The following CFAP69 variants were observed in gnomAD, a reference collection of about 807,000 sequenced individuals.
CFAP69 encodes cilia- and flagella-associated protein 69.
A neutral mutation model predicts 123.0 loss-of-function variants in CFAP69; 92 were observed. The ratio of observed to expected loss-of-function variants is 0.75; its 90% CI spans 0.63 to 0.89. The LOEUF is 0.89. Among genes scored for constraint, CFAP69 ranks in the 40% least tolerant of loss-of-function variants. CFAP69 has a pLI of 0.00. For missense variants in CFAP69, 1,067 were observed against 1,096.9 expected (o/e 0.97, Z 0.39); for synonymous variants, 380 against 364.3 (o/e 1.04, Z -0.49).
Position 90,282,960 on chromosome 7 carries a change from C to G in CFAP69, c.1441C>G (p.Arg481Gly). ...GGRGNKFAQM[R>G]YSLRLLRAVV... ...CCGAGGCAACAAGTTTGCCCAGATG[C>G]GTTACAGTTTAAGACTCCTGAGAGC... The change falls in exon 13 of 23, where the codon CGT (arginine) becomes GGT (glycine). Residue 481 changes from arginine (R) to glycine (G), a missense_variant. Transcript: ENST00000389297. 1.3e-6 allele frequency: 2 copies of G among 1,599,776 alleles called. No individual in the cohort carries two copies. Among genetic ancestry groups the G allele is most frequent in the East Asian group, 2.3e-5 (1 of 43,878 alleles).
Position 90,309,274 on chromosome 7 carries a change from C to G in CFAP69, c.2562C>G (p.Ser854Arg), listed in dbSNP as rs7803620. 0.86 allele frequency: 1,292,577 copies of G among 1,506,276 alleles called. 556,152 individuals carry two copies. Among genetic ancestry groups the G allele is most frequent in the East Asian group, 1 (42,507 of 42,534 alleles). 93.3% of individuals were successfully genotyped at this position (1,506,276 alleles called of 1,614,324 possible). Reference sequence around the variant, plus strand: ...TTAAAAATCCTCAGAAAGCAAAAAGCCTTCAAGAAAAAGCTATAGAAGCCT... The same window carrying G: ...TTAAAAATCCTCAGAAAGCAAAAAGGCTTCAAGAAAAAGCTATAGAAGCCT... Reference protein sequence around the residue: ...SNAKTLKKAKSLQEKAIEASR... With the variant: ...SNAKTLKKAKRLQEKAIEASR... Residue 854 changes from serine to arginine, a missense_variant, in exon 22 of 23, where the codon AGC becomes AGG. Physicochemically the swap from Ser to Arg is moderately radical, Grantham distance 110 (BLOSUM62 -1). Coordinates refer to ENST00000389297, the MANE Select transcript of CFAP69 (RefSeq NM_001039706.3).
chr7:90,307,922 A>T (rs1793847849), intron 21 of CFAP69, 68 bp downstream of exon 21: 1 of 990,202 alleles, frequency 1.0e-6, no homozygotes, highest in African/African-American at 1.7e-5. Flanking sequence ...CTTTTTCAGG[A>T]ACAAATATTC....
At chr7:90,283,085 G>T in intron 13 of CFAP69, 29 bp downstream of exon 13, 1 of 1,433,222 alleles carries the variant, frequency 7.0e-7, no homozygotes, top group South Asian at 1.6e-5. Context: ...GTTTACTGAT[G>T]AAAGAGGAAT....
chr7:90,293,556 T>C (rs557674380), intron 15 of CFAP69, among the ~76,000 whole-genome samples: 1 of 152,318 alleles, frequency 6.6e-6, no homozygotes, highest in South Asian at 2.1e-4. Flanking sequence ...TATCTAATTG[T>C]AAAATACCCT....
Position 90,277,267 on chromosome 7 carries a change from A to G in CFAP69, c.1088A>G (p.Asp363Gly). The change falls in exon 11 of 23, where the codon GAT becomes GGT. Residue 363 changes from aspartate to glycine, a missense_variant. Transcript: ENST00000389297. ...KGLKLSNSYE[D>G]FELKKLLFNV... ...CTTAAGCTTTCTAATTCCTATGAAGATTTTGAGTTGAAGAAATTACTATTC... is the reference window on the plus strand; with the variant it reads ...CTTAAGCTTTCTAATTCCTATGAAGGTTTTGAGTTGAAGAAATTACTATTC... 1.9e-6 allele frequency: 3 copies of G among 1,595,782 alleles called. No homozygotes were observed. Among genetic ancestry groups the G allele is most frequent in the Non-Finnish European group, 2.6e-6 (3 of 1,172,484 alleles).
chr7:90,288,387 C>T (rs1467615798), intron 15 of CFAP69, 35 bp downstream of exon 15: 1 of 1,593,914 alleles, frequency 6.3e-7, no homozygotes, highest in African/African-American at 1.3e-5. Context: ...GGTAGACTCA[C>T]AGCAGTCATG....
chr7:90,303,748 C>T (rs1793150749), intron 17 of CFAP69: 2 of 1,102,502 alleles, frequency 1.8e-6, no homozygotes, highest in South Asian at 4.4e-5. Context: ...TAATATTTTA[C>T]ATAAACAATA....
downstream of CFAP69, among the ~76,000 whole-genome samples, chr7:90,315,437 A>T: frequency 6.6e-6 from 1 of 152,222 alleles, no homozygotes; most frequent in East Asian, 1.9e-4. Flanking sequence ...AAAGAATGAG[A>T]TCATGTCTTT....
intron 1 of CFAP69, chr7:90,252,020 A>G (rs1797072042): frequency 1.3e-5 from 2 of 149,950 alleles, no homozygotes; most frequent in African/African-American, 4.9e-5. Context: ...ATTAGCCTTA[A>G]AAAAAAAAAT....
chr7:90,251,020 A>G (rs1040658743), intron 1 of CFAP69, among the ~76,000 whole-genome samples: 3 of 152,020 alleles, frequency 2.0e-5, no homozygotes, highest in Non-Finnish European at 2.9e-5. Flanking sequence ...TCAAGGCCCA[A>G]AGTTACAATC....
At chr7:90,284,404 A>G (rs1485632569) in intron 13 of CFAP69, among the ~76,000 whole-genome samples, 2 of 152,140 alleles carry the variant, frequency 1.3e-5, no homozygotes, top group East Asian at 1.9e-4. Context: ...GTAACCAAAA[A>G]CCACCTATTC....
At chr7:90,248,881 G>A (rs543429754) in intron 1 of CFAP69, among the ~76,000 whole-genome samples, 6 of 152,088 alleles carry the variant, frequency 3.9e-5, no homozygotes, top group Non-Finnish European at 8.8e-5. Flanking sequence ...ATCTGTAAAA[G>A]ATATTTTTAG....
intron 15 of CFAP69, among the ~76,000 whole-genome samples, chr7:90,292,935 G>A (rs574447579): frequency 1.3e-5 from 2 of 152,210 alleles, no homozygotes; most frequent in East Asian, 1.9e-4. Context: ...GACTATAAAC[G>A]ACCTTTTGAA....
At chr7:90,275,178 T>C (rs528656576) in intron 9 of CFAP69, among the ~76,000 whole-genome samples, 11 of 152,370 alleles carry the variant, frequency 7.2e-5, no homozygotes, top group African/African-American at 2.4e-4. Flanking sequence ...TATTCCTTTT[T>C]ATAGTGTCTC....
chr7:90,304,676 TAGATAGA>T, intron 18 of CFAP69, 61 bp from the exon 19 acceptor site: 1 of 1,207,104 alleles, frequency 8.3e-7, no homozygotes, highest in Non-Finnish European at 1.1e-6. Flanking sequence ...GATAGATAGA[TAGATAGA>T]TAGATTCTTA....
At chr7:90,277,762 T>C (rs1562879510) in intron 11 of CFAP69, among the ~76,000 whole-genome samples, 1 of 152,150 alleles carries the variant, frequency 6.6e-6, no homozygotes, top group Non-Finnish European at 1.5e-5. Context: ...AAACCTAATG[T>C]CTTTAATCAC....
chr7:90,300,064 G>A lies in CFAP69; in HGVS notation c.2050+5G>A. On this transcript the variant is annotated splice_donor_5th_base_variant and intron_variant, in intron 17 of 22. Coordinates refer to ENST00000389297, the MANE Select transcript of CFAP69 (RefSeq NM_001039706.3). ...ATAAAAATGGGAAGATCATTGGTGA[G>A]TATATTTATAATTGTTAGTAGAAGC... 1 of 1,549,344 alleles carries A rather than the reference G, an allele frequency of 6.5e-7. No homozygotes were observed. The highest frequency in any genetic ancestry group is 8.7e-7 in the Non-Finnish European group (1 of 1,144,946).
At chr7:90,312,642 C>G (rs1024844856), downstream of CFAP69, 1 of 152,192 alleles carries the variant, frequency 6.6e-6, no homozygotes, top group African/African-American at 2.4e-5. Flanking sequence ...AGCCACCACA[C>G]AGTGAGTGAG....
chr7:90,273,635 T>C (rs992312539), intron 8 of CFAP69, among the ~76,000 whole-genome samples: 1 of 152,172 alleles, frequency 6.6e-6, no homozygotes, highest in Non-Finnish European at 1.5e-5. Flanking sequence ...GCTGCTATAA[T>C]AAAGTACCGT....
Sources: gnomAD v4.1 joint callset for allele counts (sites outside exome capture counted in the v4.1 genomes callset) on GRCh38, gnomAD v4.1.1 for gene constraint, MANE v1.5 for transcripts, NCBI Gene and HGNC (gene_info 2026-07-23, HGNC 2026-07-21) for gene names.